The following MMP17 variants were observed in gnomAD, a reference collection of about 807,000 sequenced individuals.
The protein encoded by MMP17 is matrix metallopeptidase 17, also known as matrix metalloproteinase-17.
In MMP17, 54 loss-of-function variants were observed where a neutral mutation model predicts 49.1. The ratio of observed to expected loss-of-function variants is 1.10; its 90% CI spans 0.88 to 1.38. The LOEUF is 1.38. MMP17 is among the 40% of genes most tolerant of loss of function. MMP17 has a pLI of 0.00. For missense variants in MMP17, 837 were observed against 853.7 expected, an observed-to-expected ratio of 0.98 and a Z score of 0.24; for synonymous variants, 397 against 383.1, an observed-to-expected ratio of 1.04 and a Z score of -0.42.
chr12:131,850,808 G>A (rs906857471), intron 9 of MMP17, 117 bp from the exon 10 acceptor site: 94 of 716,496 alleles, frequency 1.3e-4, no homozygotes, highest in South Asian at 1.1e-3. Context: ...TGTCTGGCCC[G>A]ACTCGAGCCC....
intron 3 of MMP17, 141 bp downstream of exon 3, chr12:131,838,882 G>T (rs994450904): frequency 9.4e-7 from 1 of 1,063,918 alleles, no homozygotes; most frequent in Admixed American, 2.7e-5. Context: ...CGTGGCCAGG[G>T]TGAGGAACAG....
rs760140130 is a variant in MMP17 at position 131,850,974 on chromosome 12, C to A, written c.1512C>A (p.Gly504=). 1.2e-5 allele frequency: 19 copies of A among 1,549,688 alleles called. No homozygotes were observed. The highest frequency in any genetic ancestry group is 3.7e-5 in the South Asian group (3 of 81,586). The change falls in exon 10 of 10, where the codon GGC becomes GGA. Residue 504 remains glycine (G), a synonymous_variant. Transcript: ENST00000360564. The stretch of plus-strand genomic sequence containing the variant: ...AGGAGTACTGGAAAGTGCTGGATGG[C>A]GAGCTGGAGGTGGCACCCGGGTACC... ...RGQEYWKVLD[G]ELEVAPGYPQ...
At position 131,844,114 on chromosome 12, in the gene MMP17, G is replaced by T; in HGVS notation, c.968+33G>T. 2.0e-6 allele frequency: 3 copies of T among 1,514,512 alleles called. No individual in the cohort carries two copies. The South Asian group carries it at 3.6e-5, about 18-fold the overall frequency. 93.8% of individuals were successfully genotyped at this position (1,514,512 alleles called of 1,614,324 possible). A position where few individuals can be genotyped will look rare whatever the true frequency, so the allele number is the denominator to read the frequency against. On this transcript the variant is annotated intron_variant, in intron 6 of 9. Transcript: ENST00000360564. ...CTGGGCCCACGGTCACCACCCGCTGGGGTCTGTCTGTCCTCATCCCTGTCC... is the reference window on the plus strand; with the variant it reads ...CTGGGCCCACGGTCACCACCCGCTGTGGTCTGTCTGTCCTCATCCCTGTCC...
At chr12:131,847,273 C>T (rs888791024) in intron 8 of MMP17, among the ~76,000 whole-genome samples, 9 of 151,702 alleles carry the variant, frequency 5.9e-5, no homozygotes, top group South Asian at 2.1e-4. Context: ...ATTTGCCGGG[C>T]GTGGTGGCGG....
At chr12:131,848,735 G>A (rs140438158) in intron 8 of MMP17, among the ~76,000 whole-genome samples, 2 of 152,288 alleles carry the variant, frequency 1.3e-5, no homozygotes, top group African/African-American at 2.4e-5. Context: ...GCTCATACAC[G>A]CGGTGGCACG....
chr12:131,841,477 C>T, intron 4 of MMP17, 147 bp from the exon 5 acceptor site: 1 of 841,234 alleles, frequency 1.2e-6, no homozygotes, highest in East Asian at 2.5e-5. Flanking sequence ...CGCGTTAATT[C>T]CCAGTAACCC....
chr12:131,847,195 A>G (rs575294774), intron 8 of MMP17, among the ~76,000 whole-genome samples: 70 of 151,964 alleles, frequency 4.6e-4, no homozygotes, highest in Non-Finnish European at 6.8e-4. Flanking sequence ...GGCAGATTAC[A>G]AGGTCAGGAA....
intron 9 of MMP17, 125 bp downstream of exon 9, chr12:131,850,184 G>T: frequency 7.5e-7 from 1 of 1,331,840 alleles, no homozygotes; most frequent in Non-Finnish European, 1.0e-6. Context: ...GGGCTCTGAG[G>T]GTCCCAGCCC....
intron 4 of MMP17, 105 bp downstream of exon 4, chr12:131,840,961 A>G: frequency 7.6e-7 from 1 of 1,313,712 alleles, no homozygotes; most frequent in Admixed American, 2.8e-5. Flanking sequence ...CTGAAAACAC[A>G]CGCGGCTGCT....
At chr12:131,849,282 G>A (rs6598164) in intron 8 of MMP17, among the ~76,000 whole-genome samples, 151,728 of 152,080 alleles carry the variant, frequency 1, 75,689 homozygotes, top group Non-Finnish European at 1. Context: ...TCAGGAGTTC[G>A]AGACCAGCCT....
intron 9 of MMP17, among the ~76,000 whole-genome samples, chr12:131,850,331 C>A (rs984434875): frequency 6.6e-6 from 1 of 152,194 alleles, no homozygotes; most frequent in African/African-American, 2.4e-5. Flanking sequence ...TGCCCCAGGG[C>A]CTTGGCACTG....
chr12:131,839,373 C>T (rs75660903), intron 3 of MMP17, among the ~76,000 whole-genome samples: 25 of 151,828 alleles, frequency 1.6e-4, no homozygotes, highest in African/African-American at 5.8e-4. Context: ...AGTGCAGTGG[C>T]GCAGTCACAG....
chr12:131,836,049 C>T (rs921681673), intron 1 of MMP17, among the ~76,000 whole-genome samples: 28 of 152,224 alleles, frequency 1.8e-4, no homozygotes, highest in African/African-American at 6.8e-4. Flanking sequence ...TCCAGAGAAG[C>T]TGCCCACCCC....
rs537025414 is a variant in MMP17 at position 131,845,485 on chromosome 12, G to A, written c.1204+36G>A. 2.9e-4 allele frequency: 448 copies of A among 1,530,966 alleles called. 3 individuals are homozygous for A. In the South Asian group the frequency reaches 4.3e-3, roughly 15 times the overall value. 94.8% of individuals were successfully genotyped at this position (1,530,966 alleles called of 1,614,324 possible). ...CTCCCCGTCGCACTCCGGGCTTCCC[G>A]GGCCCTCTGTCCGCCTCATGGAGGG... On this transcript the variant is annotated intron_variant, in intron 8 of 9. Coordinates refer to ENST00000360564, the MANE Select transcript of MMP17 (RefSeq NM_016155.7).
At chr12:131,834,833 C>T (rs1228131134) in intron 1 of MMP17, among the ~76,000 whole-genome samples, 2 of 152,212 alleles carry the variant, frequency 1.3e-5, no homozygotes, top group Non-Finnish European at 2.9e-5. Context: ...CAGCCGCCCC[C>T]TCCCAGATGG....
intron 8 of MMP17, among the ~76,000 whole-genome samples, chr12:131,847,863 G>A (rs1332171128): frequency 2.0e-5 from 3 of 152,166 alleles, no homozygotes; most frequent in East Asian, 1.9e-4. Context: ...GCCACAGGCC[G>A]TCTCACCCCT....
Position 131,838,736 on chromosome 12 carries a change from G to A in MMP17, c.417G>A (p.Ser139=), listed in dbSNP as rs371527586. The stretch of plus-strand genomic sequence containing the variant: ...CCAAGTGGAACAAGAGGAACCTGTC[G>A]TGGAGGTGGGTGTGTGGCCAGGGTG... The part of the protein sequence containing the change: ...APTKWNKRNL[S]WRVRTFPRDS... Residue 139 remains serine, a synonymous_variant, in exon 3 of 10, where the codon TCG becomes TCA. Coordinates refer to ENST00000360564, the MANE Select transcript of MMP17 (RefSeq NM_016155.7). 130 of 1,567,424 alleles carry A rather than the reference G, an allele frequency of 8.3e-5. No individual in the cohort carries two copies. Among genetic ancestry groups the A allele is most frequent in the Non-Finnish European group, 9.9e-5 (114 of 1,156,592 alleles).
rs748369923 is a variant in MMP17 at position 131,850,058 on chromosome 12, C to T, written c.1461C>T (p.Asp487=). ...TGGACGACGCCATGCGCTGGTCCGA[C>T]GGTGAGTGCCAGCTGGGGGGACGGG... ...STLDDAMRWS[D]GASYFFRGQE... is the part of the protein sequence containing the mutation. Residue 487 remains aspartate (D), a splice_region_variant and synonymous_variant, in exon 9 of 10, where the codon GAC becomes GAT. Transcript: ENST00000360564. 23 of 1,607,414 alleles carry T rather than the reference C, an allele frequency of 1.4e-5. No individual in the cohort carries two copies. Among genetic ancestry groups the T allele is most frequent in the Middle Eastern group, 3.3e-4 (2 of 6,032 alleles).
intron 1 of MMP17, among the ~76,000 whole-genome samples, chr12:131,832,573 G>A (rs995795996): frequency 9.1e-4 from 138 of 152,160 alleles, no homozygotes; most frequent in African/African-American, 3.1e-3. Flanking sequence ...GCAGGGCGGC[G>A]TTTCTGTCAC....
Sources: allele counts gnomAD v4.1 joint callset (sites outside exome capture counted in the v4.1 genomes callset), GRCh38; gene constraint gnomAD v4.1.1; transcripts MANE v1.5; gene names NCBI Gene and HGNC (gene_info 2026-07-23, HGNC 2026-07-21).